Variants in JPT1 observed in about 807,000 individuals in gnomAD.
JPT1 encodes the protein Jupiter microtubule associated homolog 1.
Under a neutral mutation model 17.0 loss-of-function variants are expected in JPT1, and 5 were observed. That is an observed-to-expected ratio of 0.29 (90% CI 0.15 to 0.62). The LOEUF (loss-of-function observed/expected upper bound fraction) is 0.62, where lower values mean the gene tolerates loss of function less well. JPT1 is among the 20% of genes least tolerant of loss of function. The pLI, the probability that JPT1 is intolerant of heterozygous loss-of-function variation, is 0.85. For missense variants in JPT1, 158 were observed against 188.1 expected, an observed-to-expected ratio of 0.84 and a Z score of 0.94; for synonymous variants, 71 against 73.6, an observed-to-expected ratio of 0.96 and a Z score of 0.18.
chr17:75,154,468 A>G lies in JPT1; in HGVS notation c.-71T>C. 1.4e-6 allele frequency: 2 copies of G among 1,419,726 alleles called. No homozygotes were observed. Among genetic ancestry groups the G allele is most frequent in the Non-Finnish European group, 1.9e-6 (2 of 1,045,438 alleles). 87.9% of individuals were successfully genotyped at this position (1,419,726 alleles called of 1,614,324 possible). On this transcript the variant is annotated 5_prime_UTR_variant, in exon 1 of 5. Transcript: ENST00000409753. ...AGGGTCGGACCCGAGGGGCGCTGGG[A>G]AACTCCACACCCAACAGCCGACCAC...
intron 4 of JPT1, among the ~76,000 whole-genome samples, chr17:75,143,225 G>A (rs2074361569): frequency 1.3e-5 from 2 of 152,152 alleles, no homozygotes; most frequent in African/African-American, 2.4e-5. Flanking sequence ...TCGTATTTCT[G>A]TACAGTTGTC....
At chr17:75,149,170 G>A (rs963213835) in intron 1 of JPT1, 1 of 531,076 alleles carries the variant, frequency 1.9e-6, no homozygotes, top group East Asian at 7.0e-5. Flanking sequence ...GGGCAACATG[G>A]CAAGACCCCG....
intron 4 of JPT1, chr17:75,145,163 C>CAAAAAA (rs35376706): frequency 4.7e-5 from 4 of 85,072 alleles, no homozygotes; most frequent in African/African-American, 9.3e-5. Context: ...GACTCCATCT[C>CAAAAAA]AAAAAAAAAA....
intron 1 of JPT1, chr17:75,153,795 T>A (rs906480032): frequency 6.7e-6 from 1 of 149,008 alleles, no homozygotes; most frequent in African/African-American, 2.5e-5. Flanking sequence ...GAATAAGGAG[T>A]GGGGGCACGG....
intron 1 of JPT1, among the ~76,000 whole-genome samples, chr17:75,151,265 G>A (rs1162025084): frequency 6.6e-6 from 1 of 152,072 alleles, no homozygotes; most frequent in African/African-American, 2.4e-5. Context: ...CCCTGTAGGA[G>A]GCGGAGCCTA....
chr17:75,142,710 G>A (rs1380485492), intron 4 of JPT1: 2 of 451,862 alleles, frequency 4.4e-6, no homozygotes, highest in Admixed American at 2.4e-5. Context: ...GGGGAAGGGA[G>A]AGGAGGGAAG....
chr17:75,149,096 A>G, intron 1 of JPT1: 1 of 1,246,872 alleles, frequency 8.0e-7, no homozygotes, highest in Non-Finnish European at 1.0e-6. Flanking sequence ...CACACCTGTA[A>G]TCCCAGCACC....
chr17:75,138,587 T>C (rs1198952853), intron 4 of JPT1: 2 of 151,916 alleles, frequency 1.3e-5, no homozygotes, highest in Non-Finnish European at 2.9e-5. Context: ...TTTTGTATTT[T>C]TGTAGAGACC....
At chr17:75,154,191 G>A in intron 1 of JPT1, 151 bp downstream of exon 1, 2 of 410,442 alleles carry the variant, frequency 4.9e-6, no homozygotes, top group Non-Finnish European at 7.7e-6. Context: ...CGGCACAAAG[G>A]CGGCGCCGAC....
At position 75,148,632 on chromosome 17, in the gene JPT1, T is replaced by C. The variant is rs1217057407; in HGVS notation, c.96A>G (p.Leu32=). ...RPPGGGSNFS[L]GFDEPTEQPV... is the part of the protein sequence containing the mutation. ...GTTGTTCTGTTGGTTCATCAAAACC[T>C]AATGAAAAATTGGATCCACCACCTG... Residue 32 remains leucine (L), a synonymous_variant, in exon 2 of 5, where the codon TTA becomes TTG. Coordinates refer to ENST00000409753, the MANE Select transcript of JPT1 (RefSeq NM_016185.4). 6.2e-7 allele frequency: 1 copy of C among 1,614,076 alleles called. No individual in the cohort carries two copies.
intron 4 of JPT1, among the ~76,000 whole-genome samples, chr17:75,146,214 T>C (rs1598201835): frequency 6.6e-6 from 1 of 152,326 alleles, no homozygotes; most frequent in East Asian, 1.9e-4. Flanking sequence ...AGTATAACGG[T>C]GTGATCTCTG....
chr17:75,152,427 T>G (rs1284984316), intron 1 of JPT1, among the ~76,000 whole-genome samples: 1 of 152,148 alleles, frequency 6.6e-6, no homozygotes, highest in African/African-American at 2.4e-5. Context: ...CAAAATTAAG[T>G]TTATGAGAAT....
intron 1 of JPT1, 98 bp from the exon 2 acceptor site, chr17:75,148,769 C>A: frequency 2.2e-6 from 3 of 1,363,908 alleles, no homozygotes; most frequent in South Asian, 1.3e-5. Context: ...CTCACCCATT[C>A]ATCTCCCTCA....
chr17:75,142,685 TGAGAAGGGAGGGGAG>T, intron 4 of JPT1: 1 of 289,968 alleles, frequency 3.4e-6, no homozygotes, highest in Non-Finnish European at 6.6e-6. Context: ...CGGGAAGGGA[TGAGAAGGGAGGGGAG>T]GGGAAGGGAG....
chr17:75,142,297 C>T (rs1473529285), intron 4 of JPT1, among the ~76,000 whole-genome samples: 2 of 151,292 alleles, frequency 1.3e-5, no homozygotes, highest in South Asian at 2.1e-4. Flanking sequence ...TGGTGGCTCA[C>T]GCCTGTAATC....
rs559255051 is a variant in JPT1 at position 75,154,407 on chromosome 17, G to A, written c.-10C>T. 6 of 1,548,238 alleles carry A rather than the reference G, an allele frequency of 3.9e-6. No individual in the cohort carries two copies. The highest frequency in any genetic ancestry group is 2.4e-5 in the South Asian group (2 of 83,872). The stretch of plus-strand genomic sequence containing the variant: ...TGGTGGTTGTGGTCATGGCGCCGAG[G>A]AGCGAGGTAGGCTGGCGCCGGAGCA... On this transcript the variant is annotated 5_prime_UTR_variant, in exon 1 of 5. Transcript: ENST00000409753.
rs2074574348 is a variant in JPT1, at chr17:75,152,771, T to C, written c.56+1571A>G. The C allele has an allele frequency of 2.0e-5, 3 of 152,134 alleles. No individual in the cohort carries two copies. The South Asian group carries it at 6.2e-4, about 32-fold the overall frequency. 9.4% of individuals were successfully genotyped at this position (152,134 alleles called of 1,614,324 possible). ...GTAACACAAAATGAAAAACCAAGGC[T>C]CAATCTCTTCCTGTTCTCTGAAGAA... is the stretch of plus-strand genomic sequence containing the variant. On this transcript the variant is annotated intron_variant, in intron 1 of 4. Coordinates refer to ENST00000409753, the MANE Select transcript of JPT1 (RefSeq NM_016185.4).
chr17:75,147,974 C>G, intron 2 of JPT1: 1 of 284,548 alleles, frequency 3.5e-6, no homozygotes, highest in Non-Finnish European at 6.7e-6. Context: ...ACTCTGTACT[C>G]CAGCCTGGGC....
Position 75,148,663 on chromosome 17 carries a change from C to T in JPT1, c.65G>A (p.Arg22Gln), listed in dbSNP as rs1396407786. Residue 22 changes from arginine (R) to glutamine (Q), a missense_variant, in exon 2 of 5, where the codon CGG becomes CAG. Arg to Gln is a conservative substitution (Grantham distance 43, BLOSUM62 1). Transcript: ENST00000409753. Reference protein sequence around the residue: ...PNSRNSSRVLRPPGGGSNFSL... With the variant: ...PNSRNSSRVLQPPGGGSNFSL... ...AAAATTGGATCCACCACCTGGAGGC[C>T]GCAAAACTCTGCAAATAATGGCAAA... 2.2e-5 allele frequency: 36 copies of T among 1,613,808 alleles called. No homozygotes were observed. Among genetic ancestry groups the T allele is most frequent in the East Asian group, 1.3e-4 (6 of 44,904 alleles).
Sources: gnomAD v4.1 joint callset for allele counts (sites outside exome capture counted in the v4.1 genomes callset) on GRCh38, gnomAD v4.1.1 for gene constraint, MANE v1.5 for transcripts, NCBI Gene and HGNC (gene_info 2026-07-23, HGNC 2026-07-21) for gene names.